Variants in AFF1 observed in about 807,000 individuals in gnomAD.
The protein encoded by AFF1 is ALF transcription elongation factor 1.
A neutral mutation model predicts 121.7 loss-of-function variants in AFF1; 48 were observed. That is an observed-to-expected ratio of 0.39 (90% CI 0.31 to 0.50). The LOEUF (loss-of-function observed/expected upper bound fraction) is 0.50. AFF1 is among the 20% of genes least tolerant of loss of function. The pLI, the probability that AFF1 is intolerant of heterozygous loss-of-function variation, is 0.76. For synonymous variants in AFF1, 613 were observed against 563.0 expected (o/e 1.09, Z -1.26); for missense variants, 1,523 against 1,511.7 (o/e 1.01, Z -0.12).
rs530529099 is a variant in AFF1 at position 87,068,676 on chromosome 4, A to G, written c.1060-15444A>G. 2.6e-5 allele frequency among the ~76,000 whole-genome samples: 4 copies of G among 152,342 alleles called. No homozygotes were observed. In the South Asian group the frequency reaches 8.3e-4, roughly 32 times the overall value. Reference sequence around the variant, plus strand: ...TCAAATGTACAGGGGGAAGGCAAATATTGCTAAGCAACGGTGTACTTGAGA... The same window carrying G: ...TCAAATGTACAGGGGGAAGGCAAATGTTGCTAAGCAACGGTGTACTTGAGA... On this transcript the variant is annotated intron_variant, in intron 4 of 20. Transcript: ENST00000395146.
intron 2 of AFF1, among the ~76,000 whole-genome samples, chr4:87,031,263 C>G (rs754469262): frequency 1.3e-5 from 2 of 152,150 alleles, no homozygotes; most frequent in Non-Finnish European, 1.5e-5. Context: ...TAAGTGCTGT[C>G]TTGGGGCGGA....
In AFF1 at chr4:87,125,047, A is replaced by C. The variant is rs200278451; in HGVS notation, c.2477A>C (p.Glu826Ala). The C allele has an allele frequency of 1.3e-4, 209 of 1,604,456 alleles. 1 individual carries two copies. The Middle Eastern group carries it at 4.4e-3, about 34-fold the overall frequency. The part of the protein sequence containing the change: ...KLAKKRKGEA[E>A]RDCDNKKIRL... The stretch of plus-strand genomic sequence containing the variant: ...ATTATACTGTAATAGGGTGAAGCAG[A>C]AAGAGACTGTGATAACAAGAAAATC... Residue 826 changes from glutamate to alanine, a missense_variant, in exon 13 of 21, where the codon GAA becomes GCA. Physicochemically the swap from Glu to Ala is moderately radical, Grantham distance 107. Around this residue, in one of 5 missense-constraint regions of AFF1, gnomAD observed 905 missense variants for 842.5 expected, o/e 1.07. Transcript: ENST00000395146.
chr4:87,022,590 ATATC>A, intron 2 of AFF1, among the ~76,000 whole-genome samples: 1 of 90,490 alleles, frequency 1.1e-5, no homozygotes, highest in South Asian at 3.3e-4. Context: ...ATATCTATCT[ATATC>A]TATCTGTGTG....
chr4:87,018,646 C>T (rs556972159), intron 2 of AFF1, among the ~76,000 whole-genome samples: 7 of 152,122 alleles, frequency 4.6e-5, no homozygotes, highest in Non-Finnish European at 7.4e-5. Context: ...AGGAAATGAC[C>T]GTCATGTGGC....
Position 87,138,143 on chromosome 4 carries a change from T to C in AFF1, c.*2442T>C, listed in dbSNP as rs1165152033. On this transcript the variant is annotated 3_prime_UTR_variant, in exon 21 of 21. Transcript: ENST00000395146. ...GGTCATTGGATATTTCTGATCCTTA[T>C]TGCATTGTACCTAAAGGAGAGTAAC... 7 of 232,292 alleles carry C rather than the reference T, an allele frequency of 3.0e-5. No individual in the cohort carries two copies. The East Asian group carries it at 4.3e-4, about 14-fold the overall frequency. The allele number at this position is 232,292 out of a possible 1,614,324, so 14.4% of individuals were successfully genotyped here.
At chr4:87,085,090 A>G (rs1173926811) in intron 5 of AFF1, among the ~76,000 whole-genome samples, 2 of 152,248 alleles carry the variant, frequency 1.3e-5, no homozygotes, top group Admixed American at 6.5e-5. Flanking sequence ...TATGCCATGA[A>G]CATTTGTGCT....
chr4:87,059,103 G>A (rs973976219), intron 4 of AFF1, among the ~76,000 whole-genome samples: 1 of 152,172 alleles, frequency 6.6e-6, no homozygotes, highest in Non-Finnish European at 1.5e-5. Context: ...TCATTCTGCA[G>A]CCTTTCCCTG....
At chr4:87,011,391 G>C (rs1349271890) in intron 2 of AFF1, among the ~76,000 whole-genome samples, 1 of 152,192 alleles carries the variant, frequency 6.6e-6, no homozygotes, top group African/African-American at 2.4e-5. Flanking sequence ...TATGAAGCTG[G>C]TTTTTGGTGG....
chr4:87,063,524 C>A (rs972846143), intron 4 of AFF1, among the ~76,000 whole-genome samples: 8 of 152,050 alleles, frequency 5.3e-5, no homozygotes, highest in African/African-American at 1.7e-4. Flanking sequence ...CAGGCGTGAG[C>A]CACCGCGCCC....
At position 86,973,256 on chromosome 4, in the gene AFF1, C is replaced by T. The variant is rs558340797; in HGVS notation, c.38+24685C>T. Among the ~76,000 whole-genome samples, 5 of 152,054 alleles carry T rather than the reference C, an allele frequency of 3.3e-5. No individual in the cohort carries two copies. The South Asian group carries it at 1.0e-3, about 32-fold the overall frequency. Reference sequence around the variant, plus strand: ...CAACTGTGGAGTGGATTAGCATTGGCAGAGCTGGAGGTGGAGAGACCAGTT... The same window carrying T: ...CAACTGTGGAGTGGATTAGCATTGGTAGAGCTGGAGGTGGAGAGACCAGTT... On this transcript the variant is annotated intron_variant, in intron 2 of 20. Transcript: ENST00000395146.
chr4:87,046,890 C>T lies in AFF1; in HGVS notation c.355C>T (p.His119Tyr). The change falls in exon 4 of 21, where the codon CAC becomes TAC. Residue 119 changes from histidine to tyrosine, a missense_variant. Physicochemically the swap from His to Tyr is moderately conservative, Grantham distance 83. This residue lies in a region of AFF1 where 369 missense variants were observed against 367.2 expected (regional missense o/e 1.00). Transcript: ENST00000395146. Reference sequence around the variant, plus strand: ...ATCCAGCTCCTTCCACACTAGTGTCCACCACCAGTCCATTCACACTCCTGC... The same window carrying T: ...ATCCAGCTCCTTCCACACTAGTGTCTACCACCAGTCCATTCACACTCCTGC... ...IPSSSFHTSV[H>Y]HQSIHTPASG... 2 of 1,614,174 alleles carry T rather than the reference C, an allele frequency of 1.2e-6. No homozygotes were observed. Among genetic ancestry groups the T allele is most frequent in the Non-Finnish European group, 1.7e-6 (2 of 1,180,032 alleles).
At chr4:87,041,265 A>G (rs554116101) in intron 2 of AFF1, among the ~76,000 whole-genome samples, 1 of 152,234 alleles carries the variant, frequency 6.6e-6, no homozygotes, top group African/African-American at 2.4e-5. Context: ...AATTAAATAG[A>G]AAACTGATGT....
chr4:87,113,146 A>C (rs1218816268), intron 11 of AFF1, among the ~76,000 whole-genome samples: 1 of 152,248 alleles, frequency 6.6e-6, no homozygotes, highest in Non-Finnish European at 1.5e-5. Context: ...ACTAATAGTT[A>C]AGGTAACGAG....
chr4:87,129,638 A>G (rs137884062), intron 16 of AFF1, among the ~76,000 whole-genome samples: 1 of 152,212 alleles, frequency 6.6e-6, no homozygotes, highest in Non-Finnish European at 1.5e-5. Context: ...TTCTGTCACT[A>G]ATCTGAGCCT....
chr4:86,973,926 C>T (rs1723115172), intron 2 of AFF1: 1 of 152,026 alleles, frequency 6.6e-6, no homozygotes, highest in Non-Finnish European at 1.5e-5. Flanking sequence ...AATGGGAGTC[C>T]CTGTTCTGTT....
chr4:87,001,848 C>T (rs1338780790), intron 2 of AFF1, among the ~76,000 whole-genome samples: 1 of 152,166 alleles, frequency 6.6e-6, no homozygotes, highest in African/African-American at 2.4e-5. Flanking sequence ...CCTGTGTCTG[C>T]TTCACTTGAG....
intron 4 of AFF1, among the ~76,000 whole-genome samples, chr4:87,071,702 C>T (rs1394126218): frequency 6.6e-6 from 1 of 152,060 alleles, no homozygotes; most frequent in Admixed American, 6.6e-5. Context: ...GGTTGACCCT[C>T]CATTTTCTAA....
At chr4:87,129,907 T>C (rs1728651034) in intron 16 of AFF1, among the ~76,000 whole-genome samples, 1 of 152,220 alleles carries the variant, frequency 6.6e-6, no homozygotes, top group African/African-American at 2.4e-5. Context: ...ACCGCTCTCA[T>C]TGCTGACGTG....
chr4:86,983,611 GCT>G (rs1174551160), intron 2 of AFF1, among the ~76,000 whole-genome samples: 1 of 151,950 alleles, frequency 6.6e-6, no homozygotes, highest in African/African-American at 2.4e-5. Context: ...TTTAATCTCA[GCT>G]ACTGAGAATT....
Sources: gnomAD v4.1 joint callset for allele counts (sites outside exome capture counted in the v4.1 genomes callset) on GRCh38, gnomAD v4.1.1 for gene constraint, gnomAD v4.1.1 regional missense constraint, MANE v1.5 for transcripts, NCBI Gene and HGNC (gene_info 2026-07-23, HGNC 2026-07-21) for gene names.